RFX8: variants seen among roughly 807,000 people sequenced by gnomAD.
RFX8 encodes regulatory factor X8, also known as DNA-binding protein RFX8.
In RFX8, 46 loss-of-function variants were observed where a neutral mutation model predicts 54.6. The ratio of observed to expected loss-of-function variants is 0.84; its 90% CI spans 0.67 to 1.08. The LOEUF is 1.08. Among genes scored for constraint, RFX8 ranks in the 50% least tolerant of loss-of-function variants. The pLI is 0.00. For missense variants in RFX8, 536 were observed against 562.3 expected (o/e 0.95, Z 0.47); for synonymous variants, 192 against 209.5 (o/e 0.92, Z 0.72).
intron 11 of RFX8, among the ~76,000 whole-genome samples, chr2:101,402,105 C>G (rs937977046): frequency 2.0e-5 from 3 of 152,220 alleles, no homozygotes; most frequent in Admixed American, 6.5e-5. Flanking sequence ...GGGGAATTTT[C>G]AGTGCATGCC....
At chr2:101,465,293 T>G (rs2148992908) in intron 2 of RFX8, among the ~76,000 whole-genome samples, 1 of 152,068 alleles carries the variant, frequency 6.6e-6, no homozygotes, top group Admixed American at 6.5e-5. Flanking sequence ...GATCACGAGG[T>G]CGGGAGATCG....
In RFX8 at chr2:101,402,830, T is replaced by C. The variant is rs554034400; in HGVS notation, c.929-78A>G. On this transcript the variant is annotated intron_variant, in intron 10 of 11. Transcript: ENST00000428343. ...CAAATCATTGTGAAACTAACAACTT[T>C]TCTGGGGCTAACACCTGTGTACGTG... is the stretch of plus-strand genomic sequence containing the variant. 150 of 1,318,182 alleles carry C rather than the reference T, an allele frequency of 1.1e-4. 1 individual carries two copies. The East Asian group carries it at 3.7e-3, about 33-fold the overall frequency. 81.7% of individuals were successfully genotyped at this position (1,318,182 alleles called of 1,614,324 possible). A position where few individuals can be genotyped will look rare whatever the true frequency, so the allele number is the denominator to read the frequency against.
intron 7 of RFX8, among the ~76,000 whole-genome samples, chr2:101,413,513 A>C (rs1047247115): frequency 1.9e-4 from 29 of 152,138 alleles, no homozygotes; most frequent in Admixed American, 3.9e-4. Context: ...GGGAGGTGAT[A>C]TCCTCAGCTG....
chr2:101,439,596 CATTT>C (rs1687975115), intron 2 of RFX8, among the ~76,000 whole-genome samples: 1 of 143,596 alleles, frequency 7.0e-6, no homozygotes, highest in Non-Finnish European at 1.5e-5. Flanking sequence ...GATTGAAGTT[CATTT>C]TTTTTTTTTT....
At chr2:101,460,249 C>T (rs1689194359) in intron 2 of RFX8, among the ~76,000 whole-genome samples, 1 of 152,074 alleles carries the variant, frequency 6.6e-6, no homozygotes, top group South Asian at 2.1e-4. Flanking sequence ...GTGGGCTGCA[C>T]CCACTGTCCA....
intron 2 of RFX8, among the ~76,000 whole-genome samples, chr2:101,428,420 C>G (rs1387458506): frequency 6.6e-6 from 1 of 152,198 alleles, no homozygotes; most frequent in Non-Finnish European, 1.5e-5. Flanking sequence ...AAAGAGGGCC[C>G]TCCGGTAACC....
rs1323586752 is a variant in RFX8, at chr2:101,461,669, GCAAATA to G, written c.72+5102_72+5107del. 3.0e-4 allele frequency among the ~76,000 whole-genome samples: 46 copies of G among 152,150 alleles called. No individual in the cohort carries two copies. The East Asian group carries it at 5.6e-3, about 19-fold the overall frequency. ...CTGTGATTTCATTTTAATATAGAGA[GCAAATA>G]CAACACAGTTAAAATGAAAAAATCA... On this transcript the variant is annotated intron_variant, in intron 2 of 11. Transcript: ENST00000428343.
At position 101,448,548 on chromosome 2, in the gene RFX8, C is replaced by T. The variant is rs1328928432; in HGVS notation, c.72+18229G>A. Among the ~76,000 whole-genome samples, 5 of 152,210 alleles carry T rather than the reference C, an allele frequency of 3.3e-5. No individual in the cohort carries two copies. The East Asian group carries it at 9.6e-4, about 29-fold the overall frequency. On this transcript the variant is annotated intron_variant, in intron 2 of 11. Coordinates refer to ENST00000428343, the MANE Select transcript of RFX8 (RefSeq NM_001145664.2). ...GATCCCCTACCCAAAATGTGTGCTGCACATCTTTGAGTTCTTATGGTACCT... is the reference window on the plus strand; with the variant it reads ...GATCCCCTACCCAAAATGTGTGCTGTACATCTTTGAGTTCTTATGGTACCT...
chr2:101,402,771 C>A lies in RFX8; in HGVS notation c.929-19G>T. 1.3e-6 allele frequency: 2 copies of A among 1,523,922 alleles called. No individual in the cohort carries two copies. The highest frequency in any genetic ancestry group is 1.8e-6 in the Non-Finnish European group (2 of 1,129,598). The allele number at this position is 1,523,922 out of a possible 1,614,324, so 94.4% of individuals were successfully genotyped here. A position where few individuals can be genotyped will look rare whatever the true frequency, so the allele number is the denominator to read the frequency against. ...CAGGAGCCTACATTTAGATAATAACCAAAAATGAATACATTTGATCGACAG... is the reference window on the plus strand; with the variant it reads ...CAGGAGCCTACATTTAGATAATAACAAAAAATGAATACATTTGATCGACAG... On this transcript the variant is annotated intron_variant, in intron 10 of 11. Coordinates refer to ENST00000428343, the MANE Select transcript of RFX8 (RefSeq NM_001145664.2).
At chr2:101,399,365 T>C (rs1248827202) in intron 11 of RFX8, among the ~76,000 whole-genome samples, 1 of 152,280 alleles carries the variant, frequency 6.6e-6, no homozygotes, top group Non-Finnish European at 1.5e-5. Context: ...TAAGTCATTA[T>C]AGCTAATTCA....
At chr2:101,403,775 AG>A (rs1685579039) in intron 10 of RFX8, among the ~76,000 whole-genome samples, 1 of 152,218 alleles carries the variant, frequency 6.6e-6, no homozygotes, top group Non-Finnish European at 1.5e-5. Context: ...TGACAGAGCG[AG>A]ACTCCATCTC....
intron 2 of RFX8, among the ~76,000 whole-genome samples, chr2:101,466,110 G>A (rs937485298): frequency 1.3e-5 from 2 of 152,100 alleles, no homozygotes; most frequent in Non-Finnish European, 2.9e-5. Context: ...AAATCCACAC[G>A]ATTGCTGTGG....
At chr2:101,410,832 C>A in intron 8 of RFX8, 119 bp from the exon 9 acceptor site, 1 of 617,788 alleles carries the variant, frequency 1.6e-6, no homozygotes, top group Non-Finnish European at 2.9e-6. Context: ...AAGGGACTCC[C>A]CAGGGCCTCA....
Position 101,417,546 on chromosome 2 carries a change from A to G in RFX8, c.490T>C (p.Ser164Pro), listed in dbSNP as rs1686602006. ...CATCGAAACCTACCTTTGAGTTTGG[A>G]GATCTGCAAGAGGGCTGGAACACCT... is the stretch of plus-strand genomic sequence containing the variant. ...LEGVPALLQI[S>P]KLKEVTLFVK... is the part of the protein sequence containing the mutation. The change falls in exon 6 of 12, where the codon TCC (serine) becomes CCC (proline). Residue 164 changes from serine (S) to proline (P), a missense_variant. Ser to Pro is a moderately conservative substitution (Grantham distance 74). Transcript: ENST00000428343. 1 of 1,548,132 alleles carries G rather than the reference A, an allele frequency of 6.5e-7. No homozygotes were observed.
chr2:101,459,317 T>C (rs896673346), intron 2 of RFX8, among the ~76,000 whole-genome samples: 5 of 152,222 alleles, frequency 3.3e-5, no homozygotes, highest in Admixed American at 1.3e-4. Flanking sequence ...ATTTTCAGCT[T>C]TTCTGCTCTG....
At chr2:101,445,922 A>G (rs906771724) in intron 2 of RFX8, among the ~76,000 whole-genome samples, 1 of 152,174 alleles carries the variant, frequency 6.6e-6, no homozygotes, top group East Asian at 1.9e-4. Context: ...AGATAAACTT[A>G]TTTATTTTGA....
chr2:101,462,509 A>T (rs1220066849), intron 2 of RFX8, among the ~76,000 whole-genome samples: 1 of 152,236 alleles, frequency 6.6e-6, no homozygotes, highest in East Asian at 1.9e-4. Flanking sequence ...GATGCACTTG[A>T]AAATATCTTA....
rs1054546027 is a variant in RFX8 at position 101,442,860 on chromosome 2, C to T, written c.73-20388G>A. Among the ~76,000 whole-genome samples, 7 of 152,068 alleles carry T rather than the reference C, an allele frequency of 4.6e-5. No homozygotes were observed. The South Asian group carries it at 8.4e-4, about 18-fold the overall frequency. ...GTGCTCCTCCTACTGATGCTCCTGG[C>T]GGCCTCTGGGGAGCGGAAGAGTGTC... On this transcript the variant is annotated intron_variant, in intron 2 of 11. Transcript: ENST00000428343.
At position 101,443,165 on chromosome 2, in the gene RFX8, G is replaced by A. The variant is rs72981022; in HGVS notation, c.73-20693C>T. Among the ~76,000 whole-genome samples, 433 of 152,242 alleles carry A rather than the reference G, an allele frequency of 2.8e-3. 3 individuals carry two copies. The highest frequency in any genetic ancestry group is 1.0e-2 in the African/African-American group (414 of 41,542). ...GAGTCTGGGTTTCAGGGTGCAGGGC[G>A]GGGGATGCAAGATGCTCTGCTGCGG... On this transcript the variant is annotated intron_variant, in intron 2 of 11. Coordinates refer to ENST00000428343, the MANE Select transcript of RFX8 (RefSeq NM_001145664.2).
Sources: gnomAD v4.1 joint callset for allele counts (sites outside exome capture counted in the v4.1 genomes callset) on GRCh38, gnomAD v4.1.1 for gene constraint, MANE v1.5 for transcripts, NCBI Gene and HGNC (gene_info 2026-07-23, HGNC 2026-07-21) for gene names.